ITGBL1: variants seen among roughly 807,000 people sequenced by gnomAD.
The protein encoded by ITGBL1 is integrin beta-like protein 1.
ITGBL1 carries 51 observed loss-of-function variants against 68.5 expected under a neutral mutation model. The observed-to-expected ratio is 0.74, with a 90% CI of 0.59 to 0.94. The LOEUF (loss-of-function observed/expected upper bound fraction) is 0.94. Ranked by LOEUF, ITGBL1 falls within the 40% of genes least tolerant of loss-of-function variation. ITGBL1 has a pLI of 0.00. For missense variants in ITGBL1, 649 were observed against 647.4 expected (o/e 1.00, Z -0.03); for synonymous variants, 209 against 227.3 (o/e 0.92, Z 0.72).
intron 2 of ITGBL1, among the ~76,000 whole-genome samples, chr13:101,491,334 C>A (rs1012116857): frequency 6.6e-6 from 1 of 152,184 alleles, no homozygotes; most frequent in Non-Finnish European, 1.5e-5. Flanking sequence ...AAAACTTACC[C>A]TATAAAGCAG....
chr13:101,578,167 T>G (rs1051800564), intron 4 of ITGBL1, among the ~76,000 whole-genome samples: 1 of 152,146 alleles, frequency 6.6e-6, no homozygotes, highest in African/African-American at 2.4e-5. Flanking sequence ...ACTTCTTGCT[T>G]CTTATGTGAG....
intron 7 of ITGBL1, among the ~76,000 whole-genome samples, chr13:101,643,326 A>G (rs1254981186): frequency 6.6e-6 from 1 of 150,758 alleles, no homozygotes; most frequent in East Asian, 1.9e-4. Context: ...CTTTGAAGCA[A>G]TTGTGAATGG....
intron 2 of ITGBL1, among the ~76,000 whole-genome samples, chr13:101,516,323 G>T (rs2049194632): frequency 6.6e-6 from 1 of 152,094 alleles, no homozygotes. Flanking sequence ...TCTAGGGTTA[G>T]ATTATCATGT....
intron 2 of ITGBL1, among the ~76,000 whole-genome samples, chr13:101,566,821 G>A (rs1236488334): frequency 6.6e-6 from 1 of 152,184 alleles, no homozygotes; most frequent in African/African-American, 2.4e-5. Context: ...CCAGTTAACA[G>A]TCAAGGAAGT....
At position 101,480,140 on chromosome 13, in the gene ITGBL1, AAAAT is replaced by A. The variant is rs1381179724; in HGVS notation, c.316+26041_316+26044del. On this transcript the variant is annotated intron_variant, in intron 2 of 10. Coordinates refer to ENST00000376180, the MANE Select transcript of ITGBL1 (RefSeq NM_004791.3). ...ACAGTGGAGTACTATTCAGCCATAA[AAAAT>A]GAATGAGATCTTGTCATTTGAAACA... Among the ~76,000 whole-genome samples, 10 of 152,216 alleles carry A rather than the reference AAAAT, an allele frequency of 6.6e-5. 1 individual carries two copies. The East Asian group carries it at 1.2e-3, about 18-fold the overall frequency.
chr13:101,482,143 C>T (rs773057169), intron 2 of ITGBL1, among the ~76,000 whole-genome samples: 1 of 152,132 alleles, frequency 6.6e-6, no homozygotes, highest in Non-Finnish European at 1.5e-5. Flanking sequence ...GAATGCGACA[C>T]ATTTTCTTTA....
chr13:101,514,268 C>G (rs770633576), intron 2 of ITGBL1, among the ~76,000 whole-genome samples: 1 of 152,044 alleles, frequency 6.6e-6, no homozygotes, highest in Non-Finnish European at 1.5e-5. Context: ...GGGAAACTTG[C>G]AGTTTGAAAG....
intron 2 of ITGBL1, among the ~76,000 whole-genome samples, chr13:101,477,118 A>G (rs1009008098): frequency 6.6e-6 from 1 of 152,160 alleles, no homozygotes; most frequent in African/African-American, 2.4e-5. Flanking sequence ...AAAGAATTCA[A>G]AAATATTGAA....
At chr13:101,463,890 G>A (rs2048348530) in intron 2 of ITGBL1, among the ~76,000 whole-genome samples, 2 of 150,202 alleles carry the variant, frequency 1.3e-5, no homozygotes, top group South Asian at 2.1e-4. Flanking sequence ...AGATTGAATA[G>A]GAGTCATTCT....
rs1363579666 is a variant in ITGBL1, at chr13:101,653,176, A to C, written c.1016-39409A>C. ...AGGAGGAGGAGAAACAAAGAAGAGA[A>C]GAAGAGGAGGAGGAGGAGGAGGGGA... On this transcript the variant is annotated intron_variant, in intron 7 of 10. Transcript: ENST00000376180. Among the ~76,000 whole-genome samples, 7 of 150,700 alleles carry C rather than the reference A, an allele frequency of 4.6e-5. No individual in the cohort carries two copies. In the South Asian group the frequency reaches 1.1e-3, roughly 23 times the overall value.
intron 2 of ITGBL1, among the ~76,000 whole-genome samples, chr13:101,495,521 A>G (rs371608800): frequency 6.6e-6 from 1 of 151,702 alleles, no homozygotes; most frequent in South Asian, 2.1e-4. Flanking sequence ...TAATCCATGT[A>G]TGGGTGCAGC....
At chr13:101,605,955 C>CATAT (rs1316808115) in intron 7 of ITGBL1, among the ~76,000 whole-genome samples, 7 of 145,064 alleles carry the variant, frequency 4.8e-5, no homozygotes, top group South Asian at 2.2e-4. Context: ...TATATATACA[C>CATAT]ATATACACAT....
intron 8 of ITGBL1, among the ~76,000 whole-genome samples, chr13:101,695,243 A>G (rs1487905937): frequency 6.6e-6 from 1 of 152,188 alleles, no homozygotes; most frequent in African/African-American, 2.4e-5. Context: ...ACTTGGTAGT[A>G]ATAGGATACA....
Position 101,605,041 on chromosome 13 carries a change from C to T in ITGBL1, c.1015+6742C>T, listed in dbSNP as rs566555118. ...ATGTGTATATGTATATATACATATA[C>T]GCATATATGTGTATATGTGTATATG... On this transcript the variant is annotated intron_variant, in intron 7 of 10. Coordinates refer to ENST00000376180, the MANE Select transcript of ITGBL1 (RefSeq NM_004791.3). Among the ~76,000 whole-genome samples the T allele has an allele frequency of 9.9e-5, 11 of 111,370 alleles. No homozygotes were observed. The South Asian group carries it at 1.1e-3, about 11-fold the overall frequency. The allele number at this position is 111,370 out of a possible 152,430, so 73.1% of individuals were successfully genotyped here.
chr13:101,585,713 A>C (rs1315306575), intron 6 of ITGBL1, among the ~76,000 whole-genome samples: 1 of 152,108 alleles, frequency 6.6e-6, no homozygotes, highest in Non-Finnish European at 1.5e-5. Context: ...TACAGGTGTG[A>C]GCCACCTCCC....
Position 101,519,906 on chromosome 13 carries a change from A to G in ITGBL1, c.317-47793A>G, listed in dbSNP as rs556835017. Among the ~76,000 whole-genome samples the G allele has an allele frequency of 4.6e-5, 7 of 152,266 alleles. No homozygotes were observed. The South Asian group carries it at 1.5e-3, about 32-fold the overall frequency. On this transcript the variant is annotated intron_variant, in intron 2 of 10. Transcript: ENST00000376180. ...TTCTACATCAGTGTCTCATGTGGTA[A>G]AAAGATTCAGATATTTACTCATTGA...
At chr13:101,645,561 A>G (rs1014855555) in intron 7 of ITGBL1, among the ~76,000 whole-genome samples, 1 of 152,142 alleles carries the variant, frequency 6.6e-6, no homozygotes, top group Non-Finnish European at 1.5e-5. Context: ...TAGCATTCTC[A>G]TTGCTTTTTC....
intron 6 of ITGBL1, among the ~76,000 whole-genome samples, chr13:101,597,127 T>A (rs1327195789): frequency 2.6e-5 from 4 of 152,082 alleles, no homozygotes; most frequent in Non-Finnish European, 5.9e-5. Flanking sequence ...ACTTCTCTGG[T>A]GGGAATTGTT....
At chr13:101,527,022 CT>C (rs1381157386) in intron 2 of ITGBL1, among the ~76,000 whole-genome samples, 1 of 152,026 alleles carries the variant, frequency 6.6e-6, no homozygotes, top group Admixed American at 6.6e-5. Flanking sequence ...TAGATACCTT[CT>C]TTGATTCTAT....
Sources: gnomAD v4.1 joint callset for allele counts (sites outside exome capture counted in the v4.1 genomes callset) on GRCh38, gnomAD v4.1.1 for gene constraint, MANE v1.5 for transcripts, NCBI Gene and HGNC (gene_info 2026-07-23, HGNC 2026-07-21) for gene names.